Variants in AK5 observed in about 807,000 individuals in gnomAD.
AK5 encodes the protein adenylate kinase isoenzyme 5.
Under a neutral mutation model 69.5 loss-of-function variants are expected in AK5, and 27 were observed. The ratio of observed to expected loss-of-function variants is 0.39; its 90% CI spans 0.29 to 0.54. The LOEUF (loss-of-function observed/expected upper bound fraction) is 0.54, where lower values mean the gene tolerates loss of function less well. AK5 is among the 20% of genes least tolerant of loss of function. The pLI is 0.71. For synonymous variants in AK5, 260 were observed against 244.4 expected (o/e 1.06, Z -0.60); for missense variants, 531 against 700.4 (o/e 0.76, Z 2.73).
intron 6 of AK5, chr1:77,371,304 G>A (rs1188660794): frequency 6.6e-6 from 1 of 152,248 alleles, no homozygotes; most frequent in Non-Finnish European, 1.5e-5. Flanking sequence ...CTGTCCAGGA[G>A]CTGGTTATCT....
intron 8 of AK5, 26 bp downstream of exon 8, chr1:77,417,741 CTATT>C: frequency 7.1e-7 from 1 of 1,406,880 alleles, no homozygotes; most frequent in Non-Finnish European, 1.0e-6. Flanking sequence ...AAATAGTTCT[CTATT>C]TAAATGTTTT....
chr1:77,446,281 G>T (rs1236669752), intron 8 of AK5, among the ~76,000 whole-genome samples: 1 of 152,000 alleles, frequency 6.6e-6, no homozygotes, highest in African/African-American at 2.4e-5. Context: ...TGTTCCACTG[G>T]TCTATATTTC....
intron 5 of AK5, among the ~76,000 whole-genome samples, chr1:77,333,608 A>G (rs1661203064): frequency 6.8e-6 from 1 of 147,354 alleles, no homozygotes; most frequent in African/African-American, 2.5e-5. Flanking sequence ...ATTCTAGAGC[A>G]GGGGTCAGCA....
intron 10 of AK5, among the ~76,000 whole-genome samples, chr1:77,503,797 C>T (rs1209032222): frequency 6.6e-6 from 1 of 151,654 alleles, no homozygotes; most frequent in African/African-American, 2.4e-5. Context: ...CCCAGCTACT[C>T]AGAAGGCTGA....
intron 6 of AK5, among the ~76,000 whole-genome samples, chr1:77,348,418 A>G (rs1215987850): frequency 6.6e-6 from 1 of 152,142 alleles, no homozygotes; most frequent in African/African-American, 2.4e-5. Context: ...TGAACTCATC[A>G]TTTTTTATGG....
intron 6 of AK5, among the ~76,000 whole-genome samples, chr1:77,383,409 GT>G (rs1302070306): frequency 2.6e-5 from 4 of 152,082 alleles, no homozygotes; most frequent in Non-Finnish European, 2.9e-5. Context: ...ACCATTTATG[GT>G]TAGGAAATCC....
intron 10 of AK5, among the ~76,000 whole-genome samples, chr1:77,510,441 G>A (rs533528134): frequency 6.6e-6 from 1 of 152,090 alleles, no homozygotes; most frequent in South Asian, 2.1e-4. Flanking sequence ...AATGTGATGA[G>A]GTATGAGATA....
rs115480948 is a variant in AK5, at chr1:77,410,851, T to C, written c.892-130T>C. 4.3e-3 allele frequency: 2,944 copies of C among 688,520 alleles called. 65 individuals carry two copies. The African/African-American group carries it at 0.047, about 11-fold the overall frequency. The allele number at this position is 688,520 out of a possible 1,614,324, so 42.7% of individuals were successfully genotyped here. ...ACCCTCTAAATGTCTGATTAAAGAC[T>C]CAAATGCTTTAATTCCTGTTGTTCT... On this transcript the variant is annotated intron_variant, in intron 6 of 13. Coordinates refer to ENST00000354567, the MANE Select transcript of AK5 (RefSeq NM_174858.3).
intron 6 of AK5, among the ~76,000 whole-genome samples, chr1:77,401,371 G>T (rs1237847259): frequency 6.6e-6 from 1 of 152,174 alleles, no homozygotes; most frequent in African/African-American, 2.4e-5. Context: ...AACAAGAAAT[G>T]CCATTGGTGG....
intron 8 of AK5, among the ~76,000 whole-genome samples, chr1:77,423,031 T>C (rs910623530): frequency 3.9e-5 from 6 of 151,966 alleles, no homozygotes; most frequent in African/African-American, 7.3e-5. Context: ...CTGGCTAACA[T>C]GGTGAAACCT....
At chr1:77,294,513 T>C (rs1229917589) in intron 3 of AK5, among the ~76,000 whole-genome samples, 1 of 152,118 alleles carries the variant, frequency 6.6e-6, no homozygotes, top group Non-Finnish European at 1.5e-5. Context: ...TAAATAATAA[T>C]ATATTGGTAA....
intron 1 of AK5, chr1:77,282,584 T>C: frequency 7.5e-7 from 1 of 1,341,904 alleles, no homozygotes; most frequent in Non-Finnish European, 9.6e-7. Context: ...GAAGCCTGCA[T>C]CTCACAGATC....
chr1:77,387,641 C>T (rs1039055891), intron 6 of AK5, among the ~76,000 whole-genome samples: 1 of 152,192 alleles, frequency 6.6e-6, no homozygotes, highest in Admixed American at 6.5e-5. Context: ...CAATCATACT[C>T]CCAGGCTGGA....
At chr1:77,346,947 T>C (rs906059693) in intron 6 of AK5, among the ~76,000 whole-genome samples, 2 of 152,150 alleles carry the variant, frequency 1.3e-5, no homozygotes, top group Admixed American at 1.3e-4. Flanking sequence ...TCTCAATAGG[T>C]AAGGGGTTGA....
chr1:77,295,107 T>C (rs1570327047), intron 3 of AK5, among the ~76,000 whole-genome samples: 1 of 152,332 alleles, frequency 6.6e-6, no homozygotes, highest in African/African-American at 2.4e-5. Flanking sequence ...ATGCAACATG[T>C]AGTCATTGTT....
At chr1:77,363,764 A>G (rs374361419) in intron 6 of AK5, among the ~76,000 whole-genome samples, 51 of 152,142 alleles carry the variant, frequency 3.4e-4, no homozygotes, top group African/African-American at 1.2e-3. Context: ...ACTCTCTTCA[A>G]GTCTTTGTTC....
intron 5 of AK5, among the ~76,000 whole-genome samples, chr1:77,317,923 C>T (rs1478418279): frequency 6.6e-6 from 1 of 152,176 alleles, no homozygotes; most frequent in Non-Finnish European, 1.5e-5. Flanking sequence ...AACGTTTATT[C>T]TTAAACACAT....
At chr1:77,462,625 A>G (rs1653911867) in intron 8 of AK5, among the ~76,000 whole-genome samples, 1 of 152,128 alleles carries the variant, frequency 6.6e-6, no homozygotes, top group Admixed American at 6.5e-5. Context: ...TATGTTATGA[A>G]TCTCTTTCAG....
chr1:77,418,052 C>A (rs1308320892), intron 8 of AK5, among the ~76,000 whole-genome samples: 1 of 152,172 alleles, frequency 6.6e-6, no homozygotes, highest in Admixed American at 6.5e-5. Context: ...TGAGCATCAG[C>A]TACAGGTTCA....
Sources: allele counts gnomAD v4.1 joint callset (sites outside exome capture counted in the v4.1 genomes callset), GRCh38; gene constraint gnomAD v4.1.1; transcripts MANE v1.5; gene names NCBI Gene and HGNC (gene_info 2026-07-23, HGNC 2026-07-21).